GLIS3: variants seen among roughly 807,000 people sequenced by gnomAD.
The protein encoded by GLIS3 is zinc finger protein GLIS3.
A neutral mutation model predicts 78.6 loss-of-function variants in GLIS3; 53 were observed. The ratio of observed to expected loss-of-function variants is 0.67; its 90% CI spans 0.54 to 0.85. The LOEUF (loss-of-function observed/expected upper bound fraction) is 0.85, where lower values mean the gene tolerates loss of function less well. GLIS3 is among the 40% of genes least tolerant of loss of function. The pLI is 0.00. For synonymous variants in GLIS3, 684 were observed against 509.9 expected, an observed-to-expected ratio of 1.34 and a Z score of -4.60; for missense variants, 1,703 against 1,231.1, an observed-to-expected ratio of 1.38 and a Z score of -5.74.
chr9:4,202,446 T>TAAAATAAAATA (rs1563748237), intron 2 of GLIS3, among the ~76,000 whole-genome samples: 3 of 94,862 alleles, frequency 3.2e-5, no homozygotes, highest in African/African-American at 1.1e-4. Flanking sequence ...TAAAATAAAA[T>TAAAATAAAATA]AAAATAAAAA....
the GLIS3 span, among the ~76,000 whole-genome samples, chr9:4,355,578 G>A: frequency 2.7e-4 from 41 of 152,296 alleles, no homozygotes; most frequent in African/African-American, 8.9e-4. Context: ...CTGTAAGAAG[G>A]ATCTCAGAAA....
At chr9:4,057,936 A>G (rs1174325897) in intron 4 of GLIS3, among the ~76,000 whole-genome samples, 1 of 152,222 alleles carries the variant, frequency 6.6e-6, no homozygotes, top group African/African-American at 2.4e-5. Context: ...AACTGTAAAG[A>G]AAATATAATA....
At chr9:4,478,980 C>A in the GLIS3 span, among the ~76,000 whole-genome samples, 4 of 152,276 alleles carry the variant, frequency 2.6e-5, no homozygotes, top group South Asian at 4.1e-4. Context: ...AAATTAATTT[C>A]CACTATGAAG....
intron 2 of GLIS3, among the ~76,000 whole-genome samples, chr9:4,264,952 G>C (rs1457858970): frequency 6.6e-6 from 1 of 151,850 alleles, no homozygotes; most frequent in East Asian, 1.9e-4. Context: ...GGATCACGAG[G>C]TCAGGAGATC....
intron 2 of GLIS3, among the ~76,000 whole-genome samples, chr9:4,338,646 T>C (rs531962545): frequency 7.9e-5 from 12 of 152,300 alleles, no homozygotes; most frequent in African/African-American, 2.9e-4. Flanking sequence ...TGCATGAAGT[T>C]TGGGGACAGA....
chr9:3,850,414 TTG>T (rs1563774320), intron 9 of GLIS3, among the ~76,000 whole-genome samples: 1 of 152,256 alleles, frequency 6.6e-6, no homozygotes, highest in South Asian at 2.1e-4. Context: ...TTCTCTTCTC[TTG>T]CTATTCCAGC....
At chr9:4,063,776 G>A (rs1826850463) in intron 4 of GLIS3, among the ~76,000 whole-genome samples, 1 of 152,106 alleles carries the variant, frequency 6.6e-6, no homozygotes, top group Non-Finnish European at 1.5e-5. Context: ...CAGTAGGTTG[G>A]TCAGACACAA....
chr9:4,225,366 TGCA>T (rs1360049918), intron 2 of GLIS3, among the ~76,000 whole-genome samples: 1 of 152,166 alleles, frequency 6.6e-6, no homozygotes, highest in Non-Finnish European at 1.5e-5. Flanking sequence ...ATGGAACCTC[TGCA>T]TGATGAGAAC....
chr9:4,158,917 A>G (rs991481052), intron 2 of GLIS3, among the ~76,000 whole-genome samples: 28 of 151,872 alleles, frequency 1.8e-4, no homozygotes, highest in Non-Finnish European at 3.7e-4. Flanking sequence ...GGATGCAAAT[A>G]GTGAGAAGAA....
the GLIS3 span, among the ~76,000 whole-genome samples, chr9:4,372,437 T>C: frequency 6.6e-6 from 1 of 151,994 alleles, no homozygotes; most frequent in African/African-American, 2.4e-5. Context: ...TCAACTTGCC[T>C]GTAAGCATGT....
At chr9:3,892,113 C>A (rs1231141396) in intron 7 of GLIS3, among the ~76,000 whole-genome samples, 1 of 152,112 alleles carries the variant, frequency 6.6e-6, no homozygotes, top group Non-Finnish European at 1.5e-5. Context: ...TAAGACTCAA[C>A]TCTGAAATCC....
intron 8 of GLIS3, among the ~76,000 whole-genome samples, chr9:3,865,838 T>C (rs1402867155): frequency 1.3e-5 from 2 of 152,240 alleles, no homozygotes; most frequent in Admixed American, 1.3e-4. Context: ...GGCATCCTAA[T>C]AGTTGGTTTT....
chr9:4,205,362 T>C (rs1008559729), intron 2 of GLIS3, among the ~76,000 whole-genome samples: 1 of 152,184 alleles, frequency 6.6e-6, no homozygotes, highest in Non-Finnish European at 1.5e-5. Flanking sequence ...CAGTCAATCC[T>C]CATATTCCAA....
chr9:3,893,388 C>T (rs999392573), intron 7 of GLIS3, among the ~76,000 whole-genome samples: 11 of 152,168 alleles, frequency 7.2e-5, no homozygotes, highest in African/African-American at 2.7e-4. Flanking sequence ...AAGGCATTAA[C>T]ATTAACTGCA....
At chr9:4,081,594 C>T (rs1828556366) in intron 4 of GLIS3, among the ~76,000 whole-genome samples, 1 of 152,152 alleles carries the variant, frequency 6.6e-6, no homozygotes, top group Non-Finnish European at 1.5e-5. Flanking sequence ...TAAAGCCCTC[C>T]CAACTAGTTG....
At chr9:4,176,378 C>T (rs1816815491) in intron 2 of GLIS3, among the ~76,000 whole-genome samples, 2 of 152,170 alleles carry the variant, frequency 1.3e-5, no homozygotes, top group African/African-American at 4.8e-5. Flanking sequence ...TGTTTGGAAA[C>T]ATTCAGCTTA....
At chr9:4,070,325 G>C (rs925622468) in intron 4 of GLIS3, among the ~76,000 whole-genome samples, 1 of 152,136 alleles carries the variant, frequency 6.6e-6, no homozygotes, top group Non-Finnish European at 1.5e-5. Flanking sequence ...TTGCACCAGG[G>C]AAAACTAGTA....
intron 2 of GLIS3, among the ~76,000 whole-genome samples, chr9:4,158,394 G>A (rs978477694): frequency 6.6e-5 from 10 of 152,306 alleles, no homozygotes; most frequent in African/African-American, 2.4e-4. Flanking sequence ...AATTATCTGG[G>A]CTGTTCACTG....
the GLIS3 span, among the ~76,000 whole-genome samples, chr9:4,371,715 T>C: frequency 6.6e-6 from 1 of 152,146 alleles, no homozygotes; most frequent in African/African-American, 2.4e-5. Context: ...AAGTCATCTT[T>C]GCAAAACAGA....
Sources: allele counts gnomAD v4.1 joint callset (sites outside exome capture counted in the v4.1 genomes callset), GRCh38; gene constraint gnomAD v4.1.1; transcripts MANE v1.5; gene names NCBI Gene and HGNC (gene_info 2026-07-23, HGNC 2026-07-21).